Variants in CABCOCO1 observed in about 807,000 individuals in gnomAD.
The protein encoded by CABCOCO1 is ciliary-associated calcium-binding coiled-coil protein 1.
CABCOCO1 carries 28 observed loss-of-function variants against 35.7 expected under a neutral mutation model. That is an observed-to-expected ratio of 0.78 (90% CI 0.58 to 1.07). The LOEUF is 1.07. Among genes scored for constraint, CABCOCO1 ranks in the 50% least tolerant of loss-of-function variants. The pLI is 0.00. For synonymous variants in CABCOCO1, 95 were observed against 100.1 expected (o/e 0.95, Z 0.30); for missense variants, 326 against 309.2 (o/e 1.05, Z -0.41).
intron 5 of CABCOCO1, among the ~76,000 whole-genome samples, chr10:61,706,653 T>C (rs1032506293): frequency 6.6e-5 from 10 of 152,224 alleles, no homozygotes; most frequent in African/African-American, 2.2e-4. Context: ...CTACCCTACA[T>C]TGTGCCTCAG....
chr10:61,726,371 T>C (rs1174973487), intron 5 of CABCOCO1, among the ~76,000 whole-genome samples: 1 of 152,098 alleles, frequency 6.6e-6, no homozygotes, highest in East Asian at 1.9e-4. Flanking sequence ...AAAATACCTG[T>C]ATCATACTAT....
At chr10:61,714,243 G>T (rs915532391) in intron 5 of CABCOCO1, among the ~76,000 whole-genome samples, 12 of 152,142 alleles carry the variant, frequency 7.9e-5, no homozygotes, top group Non-Finnish European at 1.5e-4. Context: ...TCTTGGGAGG[G>T]TCTATGTGTC....
chr10:61,720,108 TG>T lies in CABCOCO1; in HGVS notation c.552+29490del, dbSNP rs1840966653. Among the ~76,000 whole-genome samples the T allele has an allele frequency of 4.6e-5, 7 of 152,016 alleles. No homozygotes were observed. The South Asian group carries it at 1.2e-3, about 27-fold the overall frequency. Reference sequence around the variant, plus strand: ...TCAAAGACATCATTGAAATAACATTTGGGCAAGGAAGAAACGCAGGATCTGA... The same window carrying T: ...TCAAAGACATCATTGAAATAACATTTGGCAAGGAAGAAACGCAGGATCTGA... On this transcript the variant is annotated intron_variant, in intron 5 of 7. Coordinates refer to ENST00000648843, the MANE Select transcript of CABCOCO1 (RefSeq NM_001366906.2).
chr10:61,676,837 G>T (rs1331888104), intron 2 of CABCOCO1, among the ~76,000 whole-genome samples: 1 of 151,956 alleles, frequency 6.6e-6, no homozygotes, highest in Non-Finnish European at 1.5e-5. Context: ...TGAGGCAGGC[G>T]GATCATGAGG....
intron 5 of CABCOCO1, among the ~76,000 whole-genome samples, chr10:61,723,623 A>G (rs1483089740): frequency 6.6e-6 from 1 of 152,144 alleles, no homozygotes; most frequent in African/African-American, 2.4e-5. Flanking sequence ...AGCTTTTGGT[A>G]AGGGGTCTCT....
intron 1 of CABCOCO1, among the ~76,000 whole-genome samples, chr10:61,669,492 C>A (rs1307027963): frequency 6.6e-6 from 1 of 151,894 alleles, no homozygotes; most frequent in Non-Finnish European, 1.5e-5. Flanking sequence ...TTAATTTTTA[C>A]AAAGCAGAAT....
At chr10:61,751,898 T>A (rs935344530) in intron 5 of CABCOCO1, among the ~76,000 whole-genome samples, 3 of 152,204 alleles carry the variant, frequency 2.0e-5, no homozygotes, top group African/African-American at 7.2e-5. Flanking sequence ...AACATTCAAA[T>A]CTGGAATCAA....
intron 2 of CABCOCO1, among the ~76,000 whole-genome samples, chr10:61,673,046 T>C (rs1839407649): frequency 6.6e-6 from 1 of 152,206 alleles, no homozygotes; most frequent in South Asian, 2.1e-4. Flanking sequence ...ACTGTCAATA[T>C]GCACATTAAC....
intron 5 of CABCOCO1, among the ~76,000 whole-genome samples, chr10:61,755,877 C>T (rs1841887156): frequency 6.6e-6 from 1 of 151,958 alleles, no homozygotes; most frequent in Admixed American, 6.6e-5. Context: ...TACCACTTCT[C>T]AGACATAGTA....
intron 5 of CABCOCO1, among the ~76,000 whole-genome samples, chr10:61,712,457 C>A (rs142813579): frequency 0.12 from 17,979 of 152,134 alleles, 1,400 homozygotes; most frequent in African/African-American, 0.19. Context: ...TGTAGGTTGC[C>A]TGTTCACTCT....
At chr10:61,691,600 C>T (rs918569557) in intron 5 of CABCOCO1, among the ~76,000 whole-genome samples, 8 of 152,058 alleles carry the variant, frequency 5.3e-5, no homozygotes, top group African/African-American at 1.7e-4. Flanking sequence ...CCCATCAACC[C>T]GTCATTTACA....
chr10:61,679,488 G>C (rs779650055), intron 2 of CABCOCO1, among the ~76,000 whole-genome samples: 4 of 152,110 alleles, frequency 2.6e-5, no homozygotes, highest in Non-Finnish European at 4.4e-5. Context: ...TGATAATAAA[G>C]AGAGTCTATT....
At chr10:61,709,758 G>A (rs373981040) in intron 5 of CABCOCO1, among the ~76,000 whole-genome samples, 8 of 150,414 alleles carry the variant, frequency 5.3e-5, no homozygotes, top group Admixed American at 2.0e-4. Flanking sequence ...CTCATTTTTC[G>A]TAGGGTTCCA....
chr10:61,718,814 T>C (rs1363168470), intron 5 of CABCOCO1, among the ~76,000 whole-genome samples: 1 of 152,208 alleles, frequency 6.6e-6, no homozygotes, highest in Non-Finnish European at 1.5e-5. Context: ...TAACAGCTTG[T>C]CACTGTATTA....
At chr10:61,697,860 T>C (rs908638129) in intron 5 of CABCOCO1, among the ~76,000 whole-genome samples, 2 of 152,068 alleles carry the variant, frequency 1.3e-5, no homozygotes, top group African/African-American at 4.8e-5. Context: ...GAACTCTCAA[T>C]CCATAAAATT....
intron 7 of CABCOCO1, among the ~76,000 whole-genome samples, chr10:61,762,547 T>A (rs544655294): frequency 6.6e-6 from 1 of 152,196 alleles, no homozygotes; most frequent in Admixed American, 6.6e-5. Flanking sequence ...CTGCCAATTT[T>A]TCAATGAAAT....
chr10:61,679,484 TAAAG>T (rs1839641264), intron 2 of CABCOCO1, among the ~76,000 whole-genome samples: 1 of 152,108 alleles, frequency 6.6e-6, no homozygotes, highest in South Asian at 2.1e-4. Flanking sequence ...TATATGATAA[TAAAG>T]AGAGTCTATT....
chr10:61,758,405 G>A (rs1338310627), intron 5 of CABCOCO1, among the ~76,000 whole-genome samples: 2 of 152,032 alleles, frequency 1.3e-5, no homozygotes, highest in Non-Finnish European at 2.9e-5. Context: ...TCATTTCGTG[G>A]GAAGGTGAAA....
chr10:61,663,005 C>CCCGGCAGGGCCGACG lies in CABCOCO1; in HGVS notation c.38_39insAGGGCCGACGCCGGC (p.Pro10_Gly14dup), dbSNP rs747130953. 8.9e-6 allele frequency: 3 copies of CCCGGCAGGGCCGACG among 336,368 alleles called. No homozygotes were observed. The highest frequency in any genetic ancestry group is 1.9e-5 in the Non-Finnish European group (3 of 158,552). 20.8% of individuals were successfully genotyped at this position (336,368 alleles called of 1,614,324 possible). On this transcript the variant is annotated inframe_insertion, in exon 1 of 8. Transcript: ENST00000648843. ...AGGGGACGACTCCCTGGGGGCCGAC[C>CCCGGCAGGGCCGACG]CCGGCGGGAACCACGCCCGAATCGG...
Sources: gnomAD v4.1 joint callset for allele counts (sites outside exome capture counted in the v4.1 genomes callset) on GRCh38, gnomAD v4.1.1 for gene constraint, MANE v1.5 for transcripts, NCBI Gene and HGNC (gene_info 2026-07-23, HGNC 2026-07-21) for gene names.